Variants in SHISAL2B observed in about 807,000 individuals in gnomAD.
The protein encoded by SHISAL2B is protein shisa-like-2B.
In SHISAL2B, 12 loss-of-function variants were observed where a neutral mutation model predicts 16.5. The ratio of observed to expected loss-of-function variants is 0.73; its 90% CI spans 0.47 to 1.18. The LOEUF is 1.18. Among genes scored for constraint, SHISAL2B ranks in the 50% most tolerant of loss-of-function variants. SHISAL2B has a pLI of 0.00. For missense variants in SHISAL2B, 183 were observed against 193.6 expected (o/e 0.95, Z 0.33); for synonymous variants, 72 against 75.0 (o/e 0.96, Z 0.21).
At chr5:64,700,973 C>T (rs1741801771) in intron 2 of SHISAL2B, among the ~76,000 whole-genome samples, 1 of 152,168 alleles carries the variant, frequency 6.6e-6, no homozygotes. Flanking sequence ...AGCAGTAATG[C>T]TTGCTTGCCC....
chr5:64,716,815 G>A (rs1283835932), intron 2 of SHISAL2B, among the ~76,000 whole-genome samples: 1 of 152,188 alleles, frequency 6.6e-6, no homozygotes, highest in Non-Finnish European at 1.5e-5. Context: ...ATGAAATCAT[G>A]TAGGCCACTG....
At chr5:64,706,663 C>T (rs1402985683) in intron 2 of SHISAL2B, among the ~76,000 whole-genome samples, 1 of 152,112 alleles carries the variant, frequency 6.6e-6, no homozygotes, top group African/African-American at 2.4e-5. Flanking sequence ...TGTGAAGTCT[C>T]ATGTCCTATC....
intron 2 of SHISAL2B, among the ~76,000 whole-genome samples, chr5:64,717,653 GA>G (rs1742076321): frequency 6.6e-6 from 1 of 151,934 alleles, no homozygotes; most frequent in Admixed American, 6.6e-5. Flanking sequence ...AAGCATGGAG[GA>G]AAAAAGGTAA....
chr5:64,714,631 C>T (rs1742014519), intron 2 of SHISAL2B, among the ~76,000 whole-genome samples: 1 of 152,128 alleles, frequency 6.6e-6, no homozygotes, highest in African/African-American at 2.4e-5. Context: ...GGGCGCCCCT[C>T]CCCCAGCCTG....
chr5:64,695,377 T>G, intron 1 of SHISAL2B, 130 bp from the exon 2 acceptor site: 1 of 580,826 alleles, frequency 1.7e-6, no homozygotes, highest in African/African-American at 1.9e-5. Flanking sequence ...ATCAGTTCCT[T>G]TTTATGCTAA....
chr5:64,690,616 T>C lies in SHISAL2B; in HGVS notation c.-8T>C. On this transcript the variant is annotated 5_prime_UTR_variant, in exon 1 of 3. Transcript: ENST00000389074. The stretch of plus-strand genomic sequence containing the variant: ...GCCCTCGCGAGCCTCTCCCGGCCCC[T>C]GCCCGCGATGAGCGAGGCCAGCCGA... The C allele has an allele frequency of 6.8e-7, 1 of 1,481,212 alleles. No homozygotes were observed. The highest frequency in any genetic ancestry group is 1.3e-5 in the South Asian group (1 of 77,060). The allele number at this position is 1,481,212 out of a possible 1,614,324, so 91.8% of individuals were successfully genotyped here.
chr5:64,714,886 G>A (rs955064317), intron 2 of SHISAL2B, among the ~76,000 whole-genome samples: 61 of 152,242 alleles, frequency 4.0e-4, no homozygotes, highest in African/African-American at 1.4e-3. Flanking sequence ...GCAATGCCTC[G>A]CCCTGCTTCA....
At chr5:64,709,686 C>G (rs1171857876) in intron 2 of SHISAL2B, among the ~76,000 whole-genome samples, 1 of 149,118 alleles carries the variant, frequency 6.7e-6, no homozygotes, top group Admixed American at 6.6e-5. Flanking sequence ...TCTCCACATC[C>G]TCTCCAGCAC....
intron 2 of SHISAL2B, among the ~76,000 whole-genome samples, chr5:64,707,614 T>G (rs564403597): frequency 6.6e-6 from 1 of 152,228 alleles, no homozygotes; most frequent in Non-Finnish European, 1.5e-5. Flanking sequence ...TGCCATAAGT[T>G]AAGAAAACTC....
At chr5:64,709,394 T>A (rs1033144651) in intron 2 of SHISAL2B, among the ~76,000 whole-genome samples, 1 of 150,548 alleles carries the variant, frequency 6.6e-6, no homozygotes, top group African/African-American at 2.5e-5. Context: ...TGCATAGTAT[T>A]CCATGGTGTA....
chr5:64,714,266 C>G (rs1382401509), intron 2 of SHISAL2B, among the ~76,000 whole-genome samples: 1 of 137,980 alleles, frequency 7.2e-6, no homozygotes, highest in Non-Finnish European at 1.5e-5. Context: ...ACAGACAGGA[C>G]CCTCAGCTGC....
chr5:64,708,910 T>C (rs76428766), intron 2 of SHISAL2B, among the ~76,000 whole-genome samples: 203 of 152,274 alleles, frequency 1.3e-3, no homozygotes, highest in African/African-American at 4.8e-3. Flanking sequence ...AATAAAGTCA[T>C]TATTGTGCCA....
chr5:64,698,004 G>A (rs1420346931), intron 2 of SHISAL2B, among the ~76,000 whole-genome samples: 2 of 152,190 alleles, frequency 1.3e-5, no homozygotes. Context: ...TTTGGAGATT[G>A]CATGGCCAAA....
intron 2 of SHISAL2B, among the ~76,000 whole-genome samples, chr5:64,706,142 G>C (rs1005705835): frequency 6.6e-6 from 1 of 152,232 alleles, no homozygotes; most frequent in Non-Finnish European, 1.5e-5. Flanking sequence ...CCTGGTGACA[G>C]AGCAAGACTG....
At chr5:64,698,109 A>T (rs1287127721) in intron 2 of SHISAL2B, among the ~76,000 whole-genome samples, 2 of 152,234 alleles carry the variant, frequency 1.3e-5, no homozygotes, top group Non-Finnish European at 2.9e-5. Flanking sequence ...AGATTGTAAA[A>T]TCAATTTTTA....
intron 2 of SHISAL2B, among the ~76,000 whole-genome samples, chr5:64,709,379 A>T (rs1268313702): frequency 6.6e-6 from 1 of 150,858 alleles, no homozygotes; most frequent in Non-Finnish European, 1.5e-5. Context: ...ATCATTTTTT[A>T]TGGCTGCATA....
chr5:64,693,166 C>T (rs1741678508), intron 1 of SHISAL2B, among the ~76,000 whole-genome samples: 1 of 152,090 alleles, frequency 6.6e-6, no homozygotes, highest in South Asian at 2.1e-4. Flanking sequence ...TGCCACCATG[C>T]CTGGCTAATT....
At position 64,690,539 on chromosome 5, in the gene SHISAL2B, G is replaced by C. The variant is rs1741615758; in HGVS notation, c.-85G>C. ...CGGAAGAGCCGAGTCCGGGCAGAGG[G>C]GTCCGCGGGCTCTGGAGGTGCTGGA... On this transcript the variant is annotated 5_prime_UTR_variant, in exon 1 of 3. Transcript: ENST00000389074. 1 of 1,172,544 alleles carries C rather than the reference G, an allele frequency of 8.5e-7. No individual in the cohort carries two copies. Among genetic ancestry groups the C allele is most frequent in the African/African-American group, 1.6e-5 (1 of 62,620 alleles). The allele number at this position is 1,172,544 out of a possible 1,614,324, so 72.6% of individuals were successfully genotyped here. A position where few individuals can be genotyped will look rare whatever the true frequency, so the allele number is the denominator to read the frequency against.
At chr5:64,709,534 G>C (rs990984902) in intron 2 of SHISAL2B, among the ~76,000 whole-genome samples, 4 of 150,838 alleles carry the variant, frequency 2.7e-5, no homozygotes, top group Non-Finnish European at 5.9e-5. Flanking sequence ...ATGATTTATA[G>C]TCATTTGGGT....
Sources: gnomAD v4.1 joint callset for allele counts (sites outside exome capture counted in the v4.1 genomes callset) on GRCh38, gnomAD v4.1.1 for gene constraint, MANE v1.5 for transcripts, NCBI Gene and HGNC (gene_info 2026-07-23, HGNC 2026-07-21) for gene names.